Variants in RIT2 observed in about 807,000 individuals in gnomAD.
RIT2 encodes GTP-binding protein Rit2.
RIT2 carries 24 observed loss-of-function variants against 23.7 expected under a neutral mutation model. The ratio of observed to expected loss-of-function variants is 1.01; its 90% CI spans 0.73 to 1.43. The LOEUF is 1.43. Ranked by LOEUF, RIT2 falls within the 40% of genes most tolerant of loss-of-function variation. RIT2 has a pLI of 0.00. For missense variants in RIT2, 236 were observed against 266.9 expected, an observed-to-expected ratio of 0.88 and a Z score of 0.81; for synonymous variants, 107 against 91.1, an observed-to-expected ratio of 1.17 and a Z score of -0.99.
At chr18:43,037,304 T>C (rs970155795) in intron 1 of RIT2, among the ~76,000 whole-genome samples, 1 of 152,212 alleles carries the variant, frequency 6.6e-6, no homozygotes, top group Non-Finnish European at 1.5e-5. Flanking sequence ...AACAATGCAA[T>C]TGTGAATTGT....
chr18:43,019,930 TC>T (rs1911557591), intron 2 of RIT2, among the ~76,000 whole-genome samples: 1 of 151,526 alleles, frequency 6.6e-6, no homozygotes, highest in Admixed American at 6.6e-5. Context: ...TTCAATCCCA[TC>T]TACAATAGTT....
At chr18:43,055,306 C>T (rs1249828468) in intron 1 of RIT2, among the ~76,000 whole-genome samples, 2 of 152,156 alleles carry the variant, frequency 1.3e-5, no homozygotes, top group East Asian at 1.9e-4. Flanking sequence ...CCTCCAGAGA[C>T]GTGGCCTCTG....
chr18:42,891,895 G>A (rs1364962809), intron 4 of RIT2, among the ~76,000 whole-genome samples: 2 of 152,106 alleles, frequency 1.3e-5, no homozygotes. Context: ...TGGGCTTAGG[G>A]TAATAACGGT....
At chr18:43,084,034 C>A (rs934297044) in intron 1 of RIT2, among the ~76,000 whole-genome samples, 1 of 151,696 alleles carries the variant, frequency 6.6e-6, no homozygotes. Flanking sequence ...AAATAAATTT[C>A]CAAAAAATGC....
chr18:42,983,134 A>G (rs1178573219), intron 2 of RIT2, among the ~76,000 whole-genome samples: 1 of 152,130 alleles, frequency 6.6e-6, no homozygotes, highest in African/African-American at 2.4e-5. Context: ...TAATCAAAAC[A>G]ATATGATGTG....
chr18:42,899,485 C>G (rs917564767), intron 4 of RIT2, among the ~76,000 whole-genome samples: 1 of 151,852 alleles, frequency 6.6e-6, no homozygotes, highest in African/African-American at 2.4e-5. Flanking sequence ...CATTAACTCA[C>G]TGTATCTGAA....
chr18:42,972,189 A>G (rs1292076478), intron 3 of RIT2, among the ~76,000 whole-genome samples: 1 of 151,910 alleles, frequency 6.6e-6, no homozygotes, highest in Non-Finnish European at 1.5e-5. Context: ...CCACTGAAAA[A>G]CAAGTACACT....
chr18:43,038,331 A>G (rs1337724026), intron 1 of RIT2, among the ~76,000 whole-genome samples: 1 of 117,474 alleles, frequency 8.5e-6, no homozygotes, highest in African/African-American at 3.2e-5. Context: ...TTTTTTTTAC[A>G]TATTGTTGTT....
chr18:42,884,943 C>A (rs1907983313), intron 4 of RIT2, among the ~76,000 whole-genome samples: 1 of 152,152 alleles, frequency 6.6e-6, no homozygotes, highest in African/African-American at 2.4e-5. Context: ...CACTTTTTAA[C>A]CACTTGCAAA....
intron 4 of RIT2, among the ~76,000 whole-genome samples, chr18:42,915,072 C>G (rs1908870277): frequency 6.6e-6 from 1 of 151,350 alleles, no homozygotes; most frequent in African/African-American, 2.4e-5. Flanking sequence ...ATTTGTAGTT[C>G]AATCTATGGA....
At chr18:42,796,228 C>G (rs537230748) in intron 4 of RIT2, among the ~76,000 whole-genome samples, 57 of 152,278 alleles carry the variant, frequency 3.7e-4, no homozygotes, top group African/African-American at 1.4e-3. Context: ...CAGGAGCTCA[C>G]TGGGAGGAAC....
At chr18:42,945,918 A>G (rs1363782092) in intron 3 of RIT2, among the ~76,000 whole-genome samples, 1 of 152,140 alleles carries the variant, frequency 6.6e-6, no homozygotes, top group East Asian at 1.9e-4. Flanking sequence ...AAATAAGAAA[A>G]GAGGAACATC....
chr18:42,795,191 C>A (rs912811290), intron 4 of RIT2, among the ~76,000 whole-genome samples: 4 of 152,188 alleles, frequency 2.6e-5, no homozygotes, highest in African/African-American at 9.7e-5. Context: ...GTGGGAGCCC[C>A]TTTCTGGGCT....
intron 4 of RIT2, among the ~76,000 whole-genome samples, chr18:42,876,247 A>G (rs570548237): frequency 5.3e-4 from 81 of 152,102 alleles, no homozygotes; most frequent in African/African-American, 1.9e-3. Context: ...CCAATATTAC[A>G]TAATTCATGT....
chr18:43,025,057 A>C (rs1485604855), intron 2 of RIT2, among the ~76,000 whole-genome samples: 1 of 151,886 alleles, frequency 6.6e-6, no homozygotes, highest in African/African-American at 2.4e-5. Context: ...AAAATACAAA[A>C]ATTAGTAGGG....
chr18:42,751,223 C>T (rs957285319), intron 4 of RIT2, among the ~76,000 whole-genome samples: 1 of 151,614 alleles, frequency 6.6e-6, no homozygotes, highest in Non-Finnish European at 1.5e-5. Context: ...TTATTTCCAC[C>T]AACATAGAAA....
intron 4 of RIT2, among the ~76,000 whole-genome samples, chr18:42,816,195 C>G (rs1203538489): frequency 6.6e-6 from 1 of 152,056 alleles, no homozygotes; most frequent in Non-Finnish European, 1.5e-5. Flanking sequence ...ATAAATACCC[C>G]CCCATGGCTG....
intron 1 of RIT2, among the ~76,000 whole-genome samples, chr18:43,061,519 ACAGT>A (rs1912644703): frequency 6.6e-6 from 1 of 152,174 alleles, no homozygotes; most frequent in Non-Finnish European, 1.5e-5. Flanking sequence ...CAAGCCAAGA[ACAGT>A]CTAAAGTCTA....
chr18:43,057,491 T>C (rs1186107847), intron 1 of RIT2, among the ~76,000 whole-genome samples: 1 of 152,158 alleles, frequency 6.6e-6, no homozygotes, highest in East Asian at 1.9e-4. Flanking sequence ...AAGTTAGACA[T>C]CTATGAATCT....
Sources: gnomAD v4.1 joint callset for allele counts (sites outside exome capture counted in the v4.1 genomes callset) on GRCh38, gnomAD v4.1.1 for gene constraint, MANE v1.5 for transcripts, NCBI Gene and HGNC (gene_info 2026-07-23, HGNC 2026-07-21) for gene names.